Variants in LRRC7 observed in about 807,000 individuals in gnomAD.
The protein encoded by LRRC7 is leucine-rich repeat-containing protein 7.
A neutral mutation model predicts 175.7 loss-of-function variants in LRRC7; 23 were observed. The observed-to-expected ratio is 0.13, with a 90% CI of 0.09 to 0.19. The LOEUF is 0.19. Ranked by LOEUF, LRRC7 falls within the 10% of genes least tolerant of loss-of-function variation. LRRC7 has a pLI of 1.00. For missense variants in LRRC7, 1,354 were observed against 1,904.7 expected (o/e 0.71, Z 5.38); for synonymous variants, 685 against 680.9 (o/e 1.01, Z -0.09).
rs182357035 is a variant in LRRC7, at chr1:69,927,205, G to A, written c.648-4302G>A. 1.1e-3 allele frequency among the ~76,000 whole-genome samples: 161 copies of A among 152,234 alleles called. 1 individual carries two copies. Among genetic ancestry groups the A allele is most frequent in the Non-Finnish European group, 6.9e-4 (47 of 68,024 alleles). Reference sequence around the variant, plus strand: ...GTTAGTCTGATGGGCTTCCCTTTGTGGGTAACCCGACCTTTCTCTCTGGCT... The same window carrying A: ...GTTAGTCTGATGGGCTTCCCTTTGTAGGTAACCCGACCTTTCTCTCTGGCT... On this transcript the variant is annotated intron_variant, in intron 7 of 26. Coordinates refer to ENST00000651989, the MANE Select transcript of LRRC7 (RefSeq NM_001370785.2).
chr1:69,686,575 C>T (rs1156858814), intron 2 of LRRC7, among the ~76,000 whole-genome samples: 1 of 151,924 alleles, frequency 6.6e-6, no homozygotes, highest in Non-Finnish European at 1.5e-5. Context: ...CTAGAGCAAC[C>T]ACTAAGAAGA....
At chr1:69,676,007 GCACACACACACACA>G (rs57846147) in intron 1 of LRRC7, among the ~76,000 whole-genome samples, 5 of 147,450 alleles carry the variant, frequency 3.4e-5, no homozygotes, top group Non-Finnish European at 7.5e-5. Context: ...ATGAGTGCAT[GCACACACACACACA>G]CACACACACA....
At chr1:70,001,311 A>G (rs1046362369) in intron 11 of LRRC7, among the ~76,000 whole-genome samples, 2 of 152,162 alleles carry the variant, frequency 1.3e-5, no homozygotes, top group Non-Finnish European at 2.9e-5. Flanking sequence ...TCATGCACCT[A>G]CTCTCCTACT....
chr1:70,053,352 T>A (rs1323180348), intron 23 of LRRC7, among the ~76,000 whole-genome samples: 1 of 152,218 alleles, frequency 6.6e-6, no homozygotes, highest in Non-Finnish European at 1.5e-5. Context: ...TGGTAATGAA[T>A]GTTTACAAAC....
intron 1 of LRRC7, among the ~76,000 whole-genome samples, chr1:69,604,462 G>T (rs1647226141): frequency 6.6e-6 from 1 of 152,144 alleles, no homozygotes; most frequent in Non-Finnish European, 1.5e-5. Flanking sequence ...CAGATGAATT[G>T]TAGAAGTCTG....
chr1:70,026,488 A>G (rs1265682891), intron 17 of LRRC7, among the ~76,000 whole-genome samples: 1 of 152,128 alleles, frequency 6.6e-6, no homozygotes, highest in Non-Finnish European at 1.5e-5. Context: ...ATGCATCCCA[A>G]TGGACTTTGT....
chr1:69,740,885 A>T (rs962874675), intron 2 of LRRC7, among the ~76,000 whole-genome samples: 1 of 152,016 alleles, frequency 6.6e-6, no homozygotes, highest in Non-Finnish European at 1.5e-5. Flanking sequence ...GGAAAACATA[A>T]CTCAGTCCAT....
At chr1:69,817,004 T>C (rs1418988842) in intron 4 of LRRC7, among the ~76,000 whole-genome samples, 7 of 152,116 alleles carry the variant, frequency 4.6e-5, no homozygotes, top group African/African-American at 1.4e-4. Context: ...TAATATTTCA[T>C]TGTGCACATA....
At position 70,142,897 on chromosome 1, in the gene LRRC7, TG is replaced by T. The variant is rs1667122452; in HGVS notation, c.*21012del. On this transcript the variant is annotated 3_prime_UTR_variant, in exon 27 of 27. Transcript: ENST00000651989. ...TAAAAGGATACTAGATATTATGTTT[TG>T]GATGTTTTCTAAGTATCTATGAAAA... 6.6e-6 allele frequency: 1 copy of T among 152,072 alleles called. No homozygotes were observed. The highest frequency in any genetic ancestry group is 1.5e-5 in the Non-Finnish European group (1 of 67,976). 9.4% of individuals were successfully genotyped at this position (152,072 alleles called of 1,614,324 possible).
intron 7 of LRRC7, among the ~76,000 whole-genome samples, chr1:69,855,162 G>C (rs993377906): frequency 6.6e-5 from 10 of 152,116 alleles, no homozygotes; most frequent in Admixed American, 1.3e-4. Flanking sequence ...GTTCTCACTA[G>C]TGTAGTAGTC....
intron 7 of LRRC7, among the ~76,000 whole-genome samples, chr1:69,928,802 G>A (rs1037715984): frequency 6.6e-6 from 1 of 152,198 alleles, no homozygotes; most frequent in Non-Finnish European, 1.5e-5. Context: ...CGTGCACAGT[G>A]CGCTGCGCCC....
rs1305896087 is a variant in LRRC7, at chr1:70,143,537, C to CCAA, written c.*21654_*21656dup. 6.6e-6 allele frequency: 1 copy of CCAA among 152,048 alleles called. No homozygotes were observed. Among genetic ancestry groups the CCAA allele is most frequent in the African/African-American group, 2.4e-5 (1 of 41,392 alleles). The allele number at this position is 152,048 out of a possible 1,614,324, so 9.4% of individuals were successfully genotyped here. ...CCCTTGTAAAGCTTTTATGGAAGAACCAACAAGCCACAGCAGTATAGCAAA... is the reference window on the plus strand; with the variant it reads ...CCCTTGTAAAGCTTTTATGGAAGAACCAACAACAAGCCACAGCAGTATAGCAAA... On this transcript the variant is annotated 3_prime_UTR_variant, in exon 27 of 27. Coordinates refer to ENST00000651989, the MANE Select transcript of LRRC7 (RefSeq NM_001370785.2).
At chr1:69,736,801 A>G (rs1320256279) in intron 2 of LRRC7, among the ~76,000 whole-genome samples, 1 of 152,034 alleles carries the variant, frequency 6.6e-6, no homozygotes, top group East Asian at 1.9e-4. Flanking sequence ...GCCCTTGCCT[A>G]TTTAATGTAG....
chr1:70,127,132 A>G lies in LRRC7; in HGVS notation c.*5245A>G, dbSNP rs1666485289. On this transcript the variant is annotated 3_prime_UTR_variant, in exon 27 of 27. Transcript: ENST00000651989. The stretch of plus-strand genomic sequence containing the variant: ...AGTGCTTATAATGTTACTGACAACA[A>G]CAAACAAAGCCTGTGTGCAATGGTG... Among the ~76,000 whole-genome samples the G allele has an allele frequency of 6.6e-6, 1 of 152,212 alleles. No individual in the cohort carries two copies. The highest frequency in any genetic ancestry group is 2.4e-5 in the African/African-American group (1 of 41,462).
intron 8 of LRRC7, among the ~76,000 whole-genome samples, chr1:69,939,387 C>A (rs542997459): frequency 5.9e-5 from 9 of 152,064 alleles, no homozygotes; most frequent in African/African-American, 1.9e-4. Flanking sequence ...ACACTGGAAA[C>A]ACTTGCTGTT....
chr1:70,121,066 A>C (rs976735250), intron 26 of LRRC7, among the ~76,000 whole-genome samples: 8 of 152,040 alleles, frequency 5.3e-5, no homozygotes, highest in African/African-American at 1.7e-4. Flanking sequence ...GAACTCTGAA[A>C]CTGTAACCTT....
intron 7 of LRRC7, among the ~76,000 whole-genome samples, chr1:69,845,183 A>G: frequency 6.6e-6 from 1 of 152,102 alleles, no homozygotes; most frequent in Non-Finnish European, 1.5e-5. Flanking sequence ...CAAAGGAGGT[A>G]GAGATTGCAG....
chr1:69,897,616 C>T (rs964416129), intron 7 of LRRC7, among the ~76,000 whole-genome samples: 1 of 152,116 alleles, frequency 6.6e-6, no homozygotes, highest in African/African-American at 2.4e-5. Flanking sequence ...TGCATGAATG[C>T]TTCATAGAAT....
At chr1:70,091,440 AGAGT>A (rs1197013553) in intron 25 of LRRC7, among the ~76,000 whole-genome samples, 2 of 152,146 alleles carry the variant, frequency 1.3e-5, no homozygotes, top group Admixed American at 1.3e-4. Context: ...GATACTTAAG[AGAGT>A]TGAAATTCAA....
Sources: gnomAD v4.1 joint callset for allele counts (sites outside exome capture counted in the v4.1 genomes callset) on GRCh38, gnomAD v4.1.1 for gene constraint, MANE v1.5 for transcripts, NCBI Gene and HGNC (gene_info 2026-07-23, HGNC 2026-07-21) for gene names.